The following SCUBE3 variants were observed in gnomAD, a reference collection of about 807,000 sequenced individuals.
SCUBE3 encodes signal peptide, CUB and EGF-like domain-containing protein 3.
In SCUBE3, 33 loss-of-function variants were observed where a neutral mutation model predicts 116.8. The ratio of observed to expected loss-of-function variants is 0.28; its 90% CI spans 0.21 to 0.38. SCUBE3 has a LOEUF of 0.38. Ranked by LOEUF, SCUBE3 falls within the 10% of genes least tolerant of loss-of-function variation. SCUBE3 has a pLI of 1.00. For missense variants in SCUBE3, 1,007 were observed against 1,324.8 expected (o/e 0.76, Z 3.72); for synonymous variants, 418 against 496.9 (o/e 0.84, Z 2.11).
chr6:35,241,499 G>A lies in SCUBE3; in HGVS notation c.1196-44G>A, dbSNP rs1784047540. 1 of 1,378,018 alleles carries A rather than the reference G, an allele frequency of 7.3e-7. No individual in the cohort carries two copies. Among genetic ancestry groups the A allele is most frequent in the East Asian group, 2.3e-5 (1 of 43,682 alleles). The allele number at this position is 1,378,018 out of a possible 1,614,324, so 85.4% of individuals were successfully genotyped here. On this transcript the variant is annotated intron_variant, in intron 10 of 21. Coordinates refer to ENST00000274938, the MANE Select transcript of SCUBE3 (RefSeq NM_152753.4). This position sits in a 1 kb window ranked among gnomAD's most constrained non-coding sequence, Gnocchi z 4.1. The stretch of plus-strand genomic sequence containing the variant: ...ATTCCTCCAAATTACCCAACTGAGG[G>A]AAAGGAATGCATTCATTTGCTCAGG...
chr6:35,234,991 A>G (rs1783702654), intron 6 of SCUBE3, among the ~76,000 whole-genome samples: 1 of 152,150 alleles, frequency 6.6e-6, no homozygotes, highest in Non-Finnish European at 1.5e-5. Flanking sequence ...TTACCTTGCC[A>G]TATATCTAAT....
chr6:35,235,187 T>C lies in SCUBE3; in HGVS notation c.712+1886T>C, dbSNP rs1250489423. On this transcript the variant is annotated intron_variant, in intron 6 of 21. Transcript: ENST00000274938. This position sits in a 1 kb window ranked among gnomAD's most constrained non-coding sequence, Gnocchi z 4.5. The stretch of plus-strand genomic sequence containing the variant: ...GCTTAGGCTTGAGCATGCTCTGTGG[T>C]ACTGGGCACATGGTTGGTTGCCCTT... Among the ~76,000 whole-genome samples the C allele has an allele frequency of 6.6e-6, 1 of 152,206 alleles. No individual in the cohort carries two copies. The highest frequency in any genetic ancestry group is 1.5e-5 in the Non-Finnish European group (1 of 68,040).
chr6:35,248,800 T>C lies in SCUBE3; in HGVS notation c.*95T>C. 2.1e-6 allele frequency: 2 copies of C among 953,474 alleles called. No individual in the cohort carries two copies. The highest frequency in any genetic ancestry group is 2.3e-5 in the Admixed American group (1 of 43,412). The allele number at this position is 953,474 out of a possible 1,614,324, so 59.1% of individuals were successfully genotyped here. ...TACCCTCAGACAAGGAACTCTCTCC[T>C]CTCTTTTTGGAGGGAAAAAAAAAAT... On this transcript the variant is annotated 3_prime_UTR_variant, in exon 22 of 22. Coordinates refer to ENST00000274938, the MANE Select transcript of SCUBE3 (RefSeq NM_152753.4).
At chr6:35,224,402 C>G (rs937981472) in intron 1 of SCUBE3, 13 of 151,836 alleles carry the variant, frequency 8.6e-5, no homozygotes, top group African/African-American at 3.1e-4. Context: ...CTAAGGCGGG[C>G]AGATCACTTG....
At chr6:35,227,816 A>G in intron 2 of SCUBE3, 114 bp downstream of exon 2, 3 of 973,364 alleles carry the variant, frequency 3.1e-6, no homozygotes, top group Admixed American at 2.1e-5. Context: ...CCACTGGTCA[A>G]GTGGTGGGGG....
At position 35,227,674 on chromosome 6, in the gene SCUBE3, C is replaced by G. The variant is rs766960864; in HGVS notation, c.180C>G (p.Gly60=). 1 of 1,614,138 alleles carries G rather than the reference C, an allele frequency of 6.2e-7. No individual in the cohort carries two copies. Among genetic ancestry groups the G allele is most frequent in the Non-Finnish European group, 8.5e-7 (1 of 1,180,012 alleles). Residue 60 remains glycine, a synonymous_variant, in exon 2 of 22, where the codon GGC becomes GGG. Coordinates refer to ENST00000274938, the MANE Select transcript of SCUBE3 (RefSeq NM_152753.4). The part of the protein sequence containing the change: ...PRSYKCICKS[G]YTGDGKHCKD... ...CATACAAGTGCATCTGCAAGTCTGG[C>G]TACACAGGGGACGGCAAACACTGCA... is the stretch of plus-strand genomic sequence containing the variant.
rs1929848 is a variant in SCUBE3 at position 35,232,573 on chromosome 6, G to T, written c.470-277G>T. Among the ~76,000 whole-genome samples the T allele has an allele frequency of 0.83, 126,056 of 152,000 alleles. 52,902 individuals are homozygous for T. Among genetic ancestry groups the T allele is most frequent in the East Asian group, 0.99 (5,119 of 5,158 alleles). On this transcript the variant is annotated intron_variant, in intron 4 of 21. Transcript: ENST00000274938. This position sits in a 1 kb window ranked among gnomAD's most constrained non-coding sequence, Gnocchi z 4.2. ...GTGCTGGACACCTATTATACACAATGTTTTGGTTGTTTAAAGGAAAGGGTG... is the reference window on the plus strand; with the variant it reads ...GTGCTGGACACCTATTATACACAATTTTTTGGTTGTTTAAAGGAAAGGGTG...
rs188639444 is a variant in SCUBE3 at position 35,232,338 on chromosome 6, C to G, written c.469+479C>G. Among the ~76,000 whole-genome samples, 62 of 152,312 alleles carry G rather than the reference C, an allele frequency of 4.1e-4. No individual in the cohort carries two copies. Among genetic ancestry groups the G allele is most frequent in the African/African-American group, 1.3e-3 (56 of 41,566 alleles). On this transcript the variant is annotated intron_variant, in intron 4 of 21. Transcript: ENST00000274938. This position sits in a 1 kb window ranked among gnomAD's most constrained non-coding sequence, Gnocchi z 4.2. ...TAACTCATTGTTGTATCCCCAGCAC[C>G]TAACATACTGCCCTGCGTGTAGTGA...
rs1783620400 is a variant in SCUBE3, at chr6:35,233,200, G to A, written c.611G>A (p.Gly204Asp). The change falls in exon 6 of 22, where the codon GGT (glycine) becomes GAT (aspartate). Residue 204 changes from glycine to aspartate, a missense_variant. Coordinates refer to ENST00000274938, the MANE Select transcript of SCUBE3 (RefSeq NM_152753.4). The surrounding 1 kb of genome is among the most constrained non-coding windows in gnomAD (Gnocchi z 5.7). ...QRDCKLTCNY[G>D]NGGCQHTCDD... ...CTGTGCACAGTGACATGCAACTATG[G>A]TAACGGCGGCTGCCAGCACACGTGT... 1 of 1,613,216 alleles carries A rather than the reference G, an allele frequency of 6.2e-7. No individual in the cohort carries two copies. Among genetic ancestry groups the A allele is most frequent in the Non-Finnish European group, 8.5e-7 (1 of 1,179,266 alleles).
chr6:35,232,105 G>A lies in SCUBE3; in HGVS notation c.469+246G>A, dbSNP rs1460956096. ...AAGGCTACTATGGAGTATCCTCTGT[G>A]TCCAGACCTGAGGTGGATGTTGTCC... On this transcript the variant is annotated intron_variant, in intron 4 of 21. Coordinates refer to ENST00000274938, the MANE Select transcript of SCUBE3 (RefSeq NM_152753.4). The surrounding 1 kb of genome is among the most constrained non-coding windows in gnomAD (Gnocchi z 4.2). Among the ~76,000 whole-genome samples the A allele has an allele frequency of 2.0e-5, 3 of 152,226 alleles. No individual in the cohort carries two copies. The highest frequency in any genetic ancestry group is 7.2e-5 in the African/African-American group (3 of 41,456).
intron 1 of SCUBE3, among the ~76,000 whole-genome samples, chr6:35,217,539 G>A (rs1281795956): frequency 3.3e-5 from 5 of 150,666 alleles, no homozygotes; most frequent in Non-Finnish European, 5.9e-5. Flanking sequence ...GTGTCTCTCC[G>A]GGTCTCTGTC....
Position 35,233,235 on chromosome 6 carries a change from G to A in SCUBE3, c.646G>A (p.Glu216Lys), listed in dbSNP as rs1783621531. The A allele has an allele frequency of 1.9e-6, 3 of 1,613,928 alleles. No individual in the cohort carries two copies. Among genetic ancestry groups the A allele is most frequent in the South Asian group, 2.2e-5 (2 of 91,070 alleles). ...CTGCCAGCACACGTGTGATGACACA[G>A]AGCAGGGTCCCCGGTGCGGCTGCCA... ...GGCQHTCDDT[E>K]QGPRCGCHIK... The change falls in exon 6 of 22, where the codon GAG becomes AAG. Residue 216 changes from glutamate to lysine, a missense_variant. Physicochemically the swap from Glu to Lys is moderately conservative, Grantham distance 56. This residue lies in a region of SCUBE3 where 214 missense variants were observed against 316.7 expected (regional missense o/e 0.68). Coordinates refer to ENST00000274938, the MANE Select transcript of SCUBE3 (RefSeq NM_152753.4). The surrounding 1 kb of genome is among the most constrained non-coding windows in gnomAD (Gnocchi z 5.7).
At chr6:35,223,992 G>A (rs939559974) in intron 1 of SCUBE3, 2 of 152,174 alleles carry the variant, frequency 1.3e-5, no homozygotes, top group African/African-American at 4.8e-5. Context: ...ATTCAGTGAC[G>A]GCTGTAAATG....
chr6:35,215,616 C>CA (rs780370470), intron 1 of SCUBE3, among the ~76,000 whole-genome samples: 10 of 152,180 alleles, frequency 6.6e-5, no homozygotes, highest in Non-Finnish European at 1.2e-4. Flanking sequence ...GAGTGTCCGA[C>CA]ACAGGTCGCT....
rs1784035624 is a variant in SCUBE3 at position 35,241,341 on chromosome 6, G to A, written c.1195+75G>A. The A allele has an allele frequency of 2.0e-6, 3 of 1,479,952 alleles. No individual in the cohort carries two copies. The highest frequency in any genetic ancestry group is 2.8e-5 in the African/African-American group (2 of 72,186). 91.7% of individuals were successfully genotyped at this position (1,479,952 alleles called of 1,614,324 possible). On this transcript the variant is annotated intron_variant, in intron 10 of 21. Coordinates refer to ENST00000274938, the MANE Select transcript of SCUBE3 (RefSeq NM_152753.4). The surrounding 1 kb of genome is among the most constrained non-coding windows in gnomAD (Gnocchi z 4.1). ...CAGTTGGGGTTCTGGAAAGCATAGA[G>A]TATCACATTGGGGAAAGGTGTGAGG...
At chr6:35,218,261 T>G (rs1783000576) in intron 1 of SCUBE3, 1 of 360,876 alleles carries the variant, frequency 2.8e-6, no homozygotes, top group African/African-American at 2.2e-5. Flanking sequence ...TGACTCAGGG[T>G]GTGTGTGTGT....
In SCUBE3 at chr6:35,243,882, C is replaced by T; in HGVS notation, c.2072-81C>T. ...CTTAGTCAACATCCTGTTTGTATAC[C>T]TTTGTCCCCTGAGATCGGGTGACCC... On this transcript the variant is annotated intron_variant, in intron 16 of 21. Coordinates refer to ENST00000274938, the MANE Select transcript of SCUBE3 (RefSeq NM_152753.4). This position sits in a 1 kb window ranked among gnomAD's most constrained non-coding sequence, Gnocchi z 6.6. 1 of 1,537,200 alleles carries T rather than the reference C, an allele frequency of 6.5e-7. No individual in the cohort carries two copies. The highest frequency in any genetic ancestry group is 8.9e-7 in the Non-Finnish European group (1 of 1,123,634).
intron 12 of SCUBE3, 111 bp downstream of exon 12, chr6:35,242,021 C>T (rs946720536): frequency 2.2e-6 from 2 of 913,162 alleles, no homozygotes; most frequent in Non-Finnish European, 3.6e-6. Context: ...CTCTTTTTTG[C>T]CCTGTAATTC....
chr6:35,248,498 G>A (rs1784440973), intron 21 of SCUBE3, 58 bp from the exon 22 acceptor site: 3 of 1,561,272 alleles, frequency 1.9e-6, no homozygotes, highest in Non-Finnish European at 2.7e-6. Context: ...GAGTCATGGT[G>A]TTTCTCTTTC....
Sources: allele counts gnomAD v4.1 joint callset (sites outside exome capture counted in the v4.1 genomes callset), GRCh38; gene constraint gnomAD v4.1.1; regional missense constraint gnomAD v4.1.1; non-coding constraint Gnocchi (gnomAD v3.1); transcripts MANE v1.5; gene names NCBI Gene and HGNC (gene_info 2026-07-23, HGNC 2026-07-21).